Variants in ITGA5 observed in about 807,000 individuals in gnomAD.
The protein encoded by ITGA5 is integrin subunit alpha 5.
In ITGA5, 55 loss-of-function variants were observed where a neutral mutation model predicts 146.3. The ratio of observed to expected loss-of-function variants is 0.38; its 90% confidence interval spans 0.30 to 0.47. ITGA5 has a LOEUF of 0.47. Among genes scored for constraint, ITGA5 ranks in the 20% least tolerant of loss-of-function variants. The probability of loss-of-function intolerance (pLI) is 0.99; values close to 1 mark genes in which losing one functional copy is unlikely to be tolerated. For synonymous variants in ITGA5, 500 were observed against 531.8 expected, an observed-to-expected ratio of 0.94 and a Z score of 0.82; for missense variants, 1,131 against 1,329.0, an observed-to-expected ratio of 0.85 and a Z score of 2.32.
At position 54,401,917 on chromosome 12, in the gene ITGA5, C is replaced by T. The variant is rs954332889; in HGVS notation, c.2227-62G>A. The T allele has an allele frequency of 1.9e-5, 30 of 1,596,680 alleles. No individual in the cohort carries two copies. The highest frequency in any genetic ancestry group is 2.1e-5 in the Non-Finnish European group (25 of 1,164,458). On this transcript the variant is annotated intron_variant, in intron 21 of 29. Transcript: ENST00000293379. This position sits in a 1 kb window ranked among gnomAD's most constrained non-coding sequence, Gnocchi z 5.0. ...CTGTGTATTTCACCCTCCCTCCGCA[C>T]CTCACAGCTGTGCTCTCGGCTGGCT...
At chr12:54,412,416 G>A (rs1353093882) in intron 1 of ITGA5, 1 of 153,080 alleles carries the variant, frequency 6.5e-6, no homozygotes, top group African/African-American at 2.4e-5. Context: ...CCCCTCCCTG[G>A]GCCAAGACCC....
intron 29 of ITGA5, 107 bp downstream of exon 29, chr12:54,397,258 G>T: frequency 1.6e-6 from 2 of 1,237,480 alleles, no homozygotes; most frequent in Non-Finnish European, 2.3e-6. Context: ...CAGAGGTGGG[G>T]GCACATGGCT....
chr12:54,403,023 C>T lies in ITGA5; in HGVS notation c.1942G>A (p.Asp648Asn). Residue 648 changes from aspartate to asparagine, a missense_variant, in exon 19 of 30, where the codon GAC becomes AAC. Asp to Asn is a conservative substitution (Grantham distance 23). Coordinates refer to ENST00000293379, the MANE Select transcript of ITGA5 (RefSeq NM_002205.5). The surrounding 1 kb of genome is among the most constrained non-coding windows in gnomAD (Gnocchi z 4.9). Reference sequence around the variant, plus strand: ...TGCAGGTCAGGCACACAGATGTTGTCTTCTCCACAGTCCAGCAAGATCTGA... The same window carrying T: ...TGCAGGTCAGGCACACAGATGTTGTTTTCTCCACAGTCCAGCAAGATCTGA... ...KAQILLDCGE[D>N]NICVPDLQLE... The T allele has an allele frequency of 6.2e-7, 1 of 1,614,160 alleles. No individual in the cohort carries two copies. The highest frequency in any genetic ancestry group is 8.5e-7 in the Non-Finnish European group (1 of 1,180,028).
In ITGA5 at chr12:54,409,434, A is replaced by T; in HGVS notation, c.462+51T>A. 2 of 1,610,280 alleles carry T rather than the reference A, an allele frequency of 1.2e-6. No homozygotes were observed. Among genetic ancestry groups the T allele is most frequent in the Non-Finnish European group, 1.7e-6 (2 of 1,177,412 alleles). Reference sequence around the variant, plus strand: ...CTCCCTCCAGGCCCGGCCTTACCCAACCACTGCCCATCCCCTGGCCACCAC... The same window carrying T: ...CTCCCTCCAGGCCCGGCCTTACCCATCCACTGCCCATCCCCTGGCCACCAC... On this transcript the variant is annotated intron_variant, in intron 3 of 29. Coordinates refer to ENST00000293379, the MANE Select transcript of ITGA5 (RefSeq NM_002205.5). The surrounding 1 kb of genome is among the most constrained non-coding windows in gnomAD (Gnocchi z 4.7).
intron 26 of ITGA5, 22 bp downstream of exon 26, chr12:54,399,842 C>T: frequency 3.1e-6 from 5 of 1,612,638 alleles, no homozygotes; most frequent in Non-Finnish European, 4.2e-6. Flanking sequence ...TTGGTCCACA[C>T]CTCATTCCCT....
Position 54,404,145 on chromosome 12 carries a change from C to T in ITGA5, c.1565G>A (p.Cys522Tyr). 1 of 1,578,994 alleles carries T rather than the reference C, an allele frequency of 6.3e-7. No homozygotes were observed. The highest frequency in any genetic ancestry group is 8.6e-7 in the Non-Finnish European group (1 of 1,162,266). Reference sequence around the variant, plus strand: ...TGCAATTTCCTGGGCACCAGCTCACCAGGCCACAGGGTTCCCCTCTAAGCT... The same window carrying T: ...TGCAATTTCCTGGGCACCAGCTCACTAGGCCACAGGGTTCCCCTCTAAGCT... ...SCSLEGNPVA[C>Y]INLSFCLNAS... Residue 522 changes from cysteine to tyrosine, a missense_variant and splice_region_variant, in exon 15 of 30, where the codon TGC becomes TAC. Coordinates refer to ENST00000293379, the MANE Select transcript of ITGA5 (RefSeq NM_002205.5).
intron 11 of ITGA5, 98 bp from the exon 12 acceptor site, chr12:54,405,472 G>T: frequency 4.5e-6 from 5 of 1,111,768 alleles, no homozygotes; most frequent in Non-Finnish European, 5.2e-6. Context: ...ATTCCATCAC[G>T]TCAGAAGACC....
intron 8 of ITGA5, 34 bp downstream of exon 8, chr12:54,407,798 C>T: frequency 6.2e-7 from 1 of 1,610,696 alleles, no homozygotes; most frequent in South Asian, 1.1e-5. Flanking sequence ...CTAACCATCC[C>T]CCTCCCTTGG....
chr12:54,396,391 A>C lies in ITGA5; in HGVS notation c.3067-15T>G, dbSNP rs771352853. The C allele has an allele frequency of 6.2e-7, 1 of 1,603,334 alleles. No homozygotes were observed. The highest frequency in any genetic ancestry group is 2.2e-5 in the East Asian group (1 of 44,792). On this transcript the variant is annotated splice_polypyrimidine_tract_variant and intron_variant, in intron 29 of 29. Transcript: ENST00000293379. ...AAGAATCCAAGCTGATAAAGGGGAA[A>C]AGAGGGAGAGTTTAGGTACTATGGC...
chr12:54,401,818 C>T lies in ITGA5; in HGVS notation c.2264G>A (p.Arg755Gln), dbSNP rs139168891. 3.1e-5 allele frequency: 50 copies of T among 1,614,118 alleles called. No individual in the cohort carries two copies. Among genetic ancestry groups the T allele is most frequent in the Admixed American group, 1.7e-4 (10 of 60,004 alleles). The change falls in exon 22 of 30, where the codon CGG (arginine) becomes CAG (glutamine). Residue 755 changes from arginine (R) to glutamine (Q), a missense_variant. By Grantham distance (43) the Arg-to-Gln change is conservative. Transcript: ENST00000293379. This position sits in a 1 kb window ranked among gnomAD's most constrained non-coding sequence, Gnocchi z 5.0. ...AAACTGGATGGTTTTCTTAGTGTCC[C>T]GGAGATGAGGGACTGTAAACCGAAG... ...GGLRFTVPHL[R>Q]DTKKTIQFDF...
chr12:54,396,048 G>C lies in ITGA5; in HGVS notation c.*245C>G. 1 of 435,618 alleles carries C rather than the reference G, an allele frequency of 2.3e-6. No homozygotes were observed. The highest frequency in any genetic ancestry group is 4.0e-5 in the East Asian group (1 of 24,774). 27.0% of individuals were successfully genotyped at this position (435,618 alleles called of 1,614,324 possible). On this transcript the variant is annotated 3_prime_UTR_variant, in exon 30 of 30. Transcript: ENST00000293379. Reference sequence around the variant, plus strand: ...AGGGAGGCTGGGGCCTCTGTCCCTGGATCTGAGTTCCCCCATCCATGAAGA... The same window carrying C: ...AGGGAGGCTGGGGCCTCTGTCCCTGCATCTGAGTTCCCCCATCCATGAAGA...
intron 1 of ITGA5, among the ~76,000 whole-genome samples, chr12:54,415,794 G>A (rs1366190363): frequency 6.6e-6 from 1 of 152,166 alleles, no homozygotes; most frequent in East Asian, 1.9e-4. Flanking sequence ...CTGGTTTGGG[G>A]TCCCCTAGTG....
chr12:54,396,248 G>C lies in ITGA5; in HGVS notation c.*45C>G, dbSNP rs761058541. 1.0e-5 allele frequency: 15 copies of C among 1,442,896 alleles called. No individual in the cohort carries two copies. Among genetic ancestry groups the C allele is most frequent in the Middle Eastern group, 2.0e-4 (1 of 4,956 alleles). The allele number at this position is 1,442,896 out of a possible 1,614,324, so 89.4% of individuals were successfully genotyped here. On this transcript the variant is annotated 3_prime_UTR_variant, in exon 30 of 30. Coordinates refer to ENST00000293379, the MANE Select transcript of ITGA5 (RefSeq NM_002205.5). ...CCCTCCTTTTCAGTAGAATGAGGGT[G>C]GGGGGACTGGTTCTTCAGGAATGGG...
At chr12:54,406,254 A>G in intron 9 of ITGA5, 1 of 421,660 alleles carries the variant, frequency 2.4e-6, no homozygotes, top group Non-Finnish European at 4.4e-6. Context: ...CTCAGAACCT[A>G]AAGTCATGCT....
Position 54,404,155 on chromosome 12 carries a change from G to T in ITGA5, c.1555C>A (p.Pro519Thr). Residue 519 changes from proline to threonine, a missense_variant, in exon 15 of 30, where the codon CCT (proline) becomes ACT (threonine). Pro to Thr is a conservative substitution (Grantham distance 38). Transcript: ENST00000293379. ...EERSCSLEGNPVACINLSFCL... is the reference protein window; with the variant it reads ...EERSCSLEGNTVACINLSFCL... ...TGGGCACCAGCTCACCAGGCCACAGGGTTCCCCTCTAAGCTGCAGCTCCGC... is the reference window on the plus strand; with the variant it reads ...TGGGCACCAGCTCACCAGGCCACAGTGTTCCCCTCTAAGCTGCAGCTCCGC... The T allele has an allele frequency of 6.3e-7, 1 of 1,585,960 alleles. No homozygotes were observed.
In ITGA5 at chr12:54,399,694, C is replaced by G. The variant is rs1405272562; in HGVS notation, c.2792G>C (p.Ser931Thr). ...TCGGAAATGCAACTGCAGACTTTGG[C>G]TCTCTTGTTGGTGCAGGGGCCCGAG... ...CELGPLHQQE[S>T]QSLQLHFRVW... The change falls in exon 27 of 30, where the codon AGC (serine) becomes ACC (threonine). Residue 931 changes from serine (S) to threonine (T), a missense_variant. Ser to Thr is a moderately conservative substitution (Grantham distance 58). Around this residue, in one of 3 missense-constraint regions of ITGA5, gnomAD observed 889 missense variants for 1,021.5 expected, o/e 0.87. Transcript: ENST00000293379. The G allele has an allele frequency of 6.2e-7, 1 of 1,614,200 alleles. No individual in the cohort carries two copies. Among genetic ancestry groups the G allele is most frequent in the East Asian group, 2.2e-5 (1 of 44,886 alleles).
intron 15 of ITGA5, 40 bp downstream of exon 15, chr12:54,404,105 C>G: frequency 6.4e-7 from 1 of 1,571,516 alleles, no homozygotes; most frequent in Non-Finnish European, 8.7e-7. Flanking sequence ...CTGCCCACTC[C>G]CAGGCTCAGG....
rs142977003 is a variant in ITGA5, at chr12:54,414,557, G to T, written c.219-2593C>A. Among the ~76,000 whole-genome samples the T allele has an allele frequency of 4.5e-3, 679 of 152,284 alleles. 9 individuals are homozygous for T. The highest frequency in any genetic ancestry group is 0.015 in the African/African-American group (607 of 41,556). ...TAGATGTTTTTGGTTAATAAAAAAT[G>T]AGAAAAGCGCCAGGTGCGGTGGCTC... On this transcript the variant is annotated intron_variant, in intron 1 of 29. Transcript: ENST00000293379.
In ITGA5 at chr12:54,397,500, T is replaced by C; in HGVS notation, c.2944-13A>G. The C allele has an allele frequency of 1.9e-6, 3 of 1,613,598 alleles. No individual in the cohort carries two copies. Among genetic ancestry groups the C allele is most frequent in the Non-Finnish European group, 2.5e-6 (3 of 1,179,890 alleles). The stretch of plus-strand genomic sequence containing the variant: ...CAGCTGTGGCCACCTGGGGAGCAAG[T>C]TGGGTGAAGTCAATGAAAGCTCAGA... On this transcript the variant is annotated splice_polypyrimidine_tract_variant and intron_variant, in intron 28 of 29. Transcript: ENST00000293379.
Sources: allele counts gnomAD v4.1 joint callset (sites outside exome capture counted in the v4.1 genomes callset), GRCh38; gene constraint gnomAD v4.1.1; regional missense constraint gnomAD v4.1.1; non-coding constraint Gnocchi (gnomAD v3.1); transcripts MANE v1.5; gene names NCBI Gene and HGNC (gene_info 2026-07-23, HGNC 2026-07-21).